Variants in KRT73 observed in about 807,000 individuals in gnomAD.
KRT73 encodes keratin, type II cytoskeletal 73.
KRT73 carries 44 observed loss-of-function variants against 47.2 expected under a neutral mutation model. The observed-to-expected ratio is 0.93, with a 90% CI of 0.73 to 1.20. The LOEUF is 1.20. KRT73 is among the 50% of genes most tolerant of loss of function. KRT73 has a pLI of 0.00. For synonymous variants in KRT73, 285 were observed against 291.3 expected (o/e 0.98, Z 0.22); for missense variants, 713 against 704.5 (o/e 1.01, Z -0.14).
At position 52,613,750 on chromosome 12, in the gene KRT73, C is replaced by A. The variant is rs368783182; in HGVS notation, c.922G>T (p.Ala308Ser). ...TTCCGGGCGATCTCCTCATACTGGG[C>A]ACGGACCTCAGCAATGATGCTGTCC... ...DLDSIIAEVR[A>S]QYEEIARKSK... Residue 308 changes from alanine to serine, a missense_variant, in exon 5 of 9, where the codon GCC becomes TCC. Transcript: ENST00000305748. 6.2e-7 allele frequency: 1 copy of A among 1,614,226 alleles called. No homozygotes were observed. The highest frequency in any genetic ancestry group is 1.1e-5 in the South Asian group (1 of 91,080).
intron 5 of KRT73, among the ~76,000 whole-genome samples, chr12:52,613,002 C>G (rs1940734736): frequency 6.6e-6 from 1 of 152,172 alleles, no homozygotes; most frequent in South Asian, 2.1e-4. Flanking sequence ...CCAAGAAGCC[C>G]TAGCCTATGT....
chr12:52,611,054 G>T, intron 6 of KRT73, 150 bp downstream of exon 6: 1 of 1,081,886 alleles, frequency 9.2e-7, no homozygotes, highest in Non-Finnish European at 1.3e-6. Flanking sequence ...CCAAACTTCA[G>T]ATGGGAGCTA....
In KRT73 at chr12:52,611,236, G is replaced by C; in HGVS notation, c.1078C>G (p.Leu360Val). 6.2e-7 allele frequency: 1 copy of C among 1,614,204 alleles called. No individual in the cohort carries two copies. Among genetic ancestry groups the C allele is most frequent in the Non-Finnish European group, 8.5e-7 (1 of 1,180,050 alleles). The change falls in exon 6 of 9, where the codon CTG (leucine) becomes GTG (valine). Residue 360 changes from leucine to valine, a missense_variant. Coordinates refer to ENST00000305748, the MANE Select transcript of KRT73 (RefSeq NM_175068.3). ...ISELTRLIQR[L>V]RSEIESVKKQ... is the part of the protein sequence containing the mutation. ...TTCACACTCTCAATCTCCGAGCGCAGTCTTTGGATGAGACGGGTCAGCTCT... is the reference window on the plus strand; with the variant it reads ...TTCACACTCTCAATCTCCGAGCGCACTCTTTGGATGAGACGGGTCAGCTCT...
rs775631778 is a variant in KRT73, at chr12:52,613,893, C to A, written c.820-41G>T. 2.0e-5 allele frequency: 32 copies of A among 1,598,824 alleles called. 1 individual carries two copies. Among genetic ancestry groups the A allele is most frequent in the Non-Finnish European group, 2.4e-5 (28 of 1,171,802 alleles). On this transcript the variant is annotated intron_variant, in intron 4 of 8. Coordinates refer to ENST00000305748, the MANE Select transcript of KRT73 (RefSeq NM_175068.3). ...GGAAGCATGAAATGCCTTCTGTGAC[C>A]AGAGAAAGGTCCCAAGGTGATGGCC...
chr12:52,610,530 C>CCG, intron 7 of KRT73, 85 bp downstream of exon 7: 2 of 177,906 alleles, frequency 1.1e-5, no homozygotes, highest in Non-Finnish European at 1.2e-5. Flanking sequence ...CAGCTCGCCG[C>CCG]CCCCTCCCCC....
chr12:52,614,949 G>A, intron 3 of KRT73: 1 of 523,332 alleles, frequency 1.9e-6, no homozygotes, highest in Non-Finnish European at 3.4e-6. Context: ...CCAACAGAGG[G>A]AGGCAAGGAC....
intron 3 of KRT73, chr12:52,614,887 A>G (rs1441062227): frequency 1.3e-5 from 7 of 556,002 alleles, no homozygotes; most frequent in Non-Finnish European, 9.5e-6. Flanking sequence ...TTCTGCCTCT[A>G]TTTCTCAGAG....
chr12:52,611,572 C>T lies in KRT73; in HGVS notation c.985-243G>A, dbSNP rs943655431. On this transcript the variant is annotated intron_variant, in intron 5 of 8. Transcript: ENST00000305748. ...GGACTGTTGAATGTCCCAGACTCTCCATATGGCAACTTTATAACACACTAC... is the reference window on the plus strand; with the variant it reads ...GGACTGTTGAATGTCCCAGACTCTCTATATGGCAACTTTATAACACACTAC... 2.7e-4 allele frequency: 138 copies of T among 513,892 alleles called. No homozygotes were observed. In the Admixed American group the frequency reaches 3.1e-3, roughly 12 times the overall value. 31.8% of individuals were successfully genotyped at this position (513,892 alleles called of 1,614,324 possible).
chr12:52,621,292 G>GGC (rs1592247851), upstream of KRT73, among the ~76,000 whole-genome samples: 96 of 68,056 alleles, frequency 1.4e-3, no homozygotes, highest in African/African-American at 4.3e-3. Flanking sequence ...AGAAAGAAAG[G>GGC]GGGGGGGGGG....
the KRT73 span, among the ~76,000 whole-genome samples, chr12:52,624,775 A>T: frequency 6.6e-6 from 1 of 151,446 alleles, no homozygotes; most frequent in Non-Finnish European, 1.5e-5. Context: ...GGAGAATGCA[A>T]TTCAACCCAT....
At chr12:52,611,366 A>G in intron 5 of KRT73, 37 bp from the exon 6 acceptor site, 1 of 1,612,892 alleles carries the variant, frequency 6.2e-7, no homozygotes. Context: ...ACACTGACTC[A>G]GGGCTTGGCT....
At chr12:52,619,160 G>A (rs185929627), upstream of KRT73, among the ~76,000 whole-genome samples, 7 of 152,278 alleles carry the variant, frequency 4.6e-5, no homozygotes, top group Admixed American at 1.3e-4. Context: ...TGTGCCAGCC[G>A]GGCTGCCCTG....
At position 52,611,178 on chromosome 12, in the gene KRT73, G is replaced by C. The variant is rs771670913; in HGVS notation, c.1110+26C>G. On this transcript the variant is annotated intron_variant, in intron 6 of 8. Transcript: ENST00000305748. Reference sequence around the variant, plus strand: ...CAGTTCACCCCTCCCTTAGGAGTGAGTAAGGAAGGCTCCAGTCCCCTTCAC... The same window carrying C: ...CAGTTCACCCCTCCCTTAGGAGTGACTAAGGAAGGCTCCAGTCCCCTTCAC... 1.9e-6 allele frequency: 3 copies of C among 1,613,730 alleles called. 1 individual carries two copies. The South Asian group carries it at 3.3e-5, about 18-fold the overall frequency.
rs768350014 is a variant in KRT73 at position 52,616,177 on chromosome 12, G to A, written c.651C>T (p.Asp217=). ...ELRSVREVVE[D]YKKRYEEEIN... Reference sequence around the variant, plus strand: ...GGCGTCCTGCTCACCTCTTCTTGTAGTCCTCCACCACTTCGCGCACGCTCC... The same window carrying A: ...GGCGTCCTGCTCACCTCTTCTTGTAATCCTCCACCACTTCGCGCACGCTCC... The change falls in exon 2 of 9, where the codon GAC becomes GAT. Residue 217 remains aspartate (D), a synonymous_variant. Transcript: ENST00000305748. 2 of 1,614,044 alleles carry A rather than the reference G, an allele frequency of 1.2e-6. No individual in the cohort carries two copies. Among genetic ancestry groups the A allele is most frequent in the Non-Finnish European group, 1.7e-6 (2 of 1,179,964 alleles).
chr12:52,620,442 C>G (rs1410005041), upstream of KRT73, among the ~76,000 whole-genome samples: 2 of 152,104 alleles, frequency 1.3e-5, no homozygotes, highest in Non-Finnish European at 2.9e-5. Flanking sequence ...TTGTAAGGCA[C>G]AAAGAAGACC....
At position 52,607,887 on chromosome 12, in the gene KRT73, C is replaced by A; in HGVS notation, c.*309G>T. 3.4e-6 allele frequency: 1 copy of A among 295,420 alleles called. No individual in the cohort carries two copies. Among genetic ancestry groups the A allele is most frequent in the Non-Finnish European group, 6.2e-6 (1 of 160,310 alleles). 18.3% of individuals were successfully genotyped at this position (295,420 alleles called of 1,614,324 possible). ...GAGCAGCACAGGCAGATTGGGGTTA[C>A]CCTTGAGAGACAGCCTTCCTCTGCA... On this transcript the variant is annotated 3_prime_UTR_variant, in exon 9 of 9. Coordinates refer to ENST00000305748, the MANE Select transcript of KRT73 (RefSeq NM_175068.3).
chr12:52,614,612 T>C lies in KRT73; in HGVS notation c.786A>G (p.Gly262=), dbSNP rs779526298. ...ACAGACACTTGAAGAACTTGATTTC[T>C]CCATCCAGGGCATCCACCTTGGCCT... ...ELQAKVDALD[G]EIKFFKCLYE... The change falls in exon 4 of 9, where the codon GGA becomes GGG. Residue 262 remains glycine (G), a synonymous_variant. Coordinates refer to ENST00000305748, the MANE Select transcript of KRT73 (RefSeq NM_175068.3). 6.2e-7 allele frequency: 1 copy of C among 1,613,982 alleles called. No homozygotes were observed. Among genetic ancestry groups the C allele is most frequent in the Non-Finnish European group, 8.5e-7 (1 of 1,179,936 alleles).
the KRT73 span, among the ~76,000 whole-genome samples, chr12:52,624,435 C>T: frequency 2.0e-5 from 3 of 152,154 alleles, no homozygotes; most frequent in Admixed American, 2.0e-4. Context: ...TATAAACATT[C>T]TACCTAACAA....
the KRT73 span, among the ~76,000 whole-genome samples, chr12:52,624,744 G>A: frequency 6.6e-6 from 1 of 151,868 alleles, no homozygotes; most frequent in Non-Finnish European, 1.5e-5. Context: ...ATGGGAGTTA[G>A]GACTTTAACA....
Sources: allele counts gnomAD v4.1 joint callset (sites outside exome capture counted in the v4.1 genomes callset), GRCh38; gene constraint gnomAD v4.1.1; transcripts MANE v1.5; gene names NCBI Gene and HGNC (gene_info 2026-07-23, HGNC 2026-07-21).